Variants in CALY observed in about 807,000 individuals in gnomAD.
The protein encoded by CALY is neuron-specific vesicular protein calcyon.
CALY carries 15 observed loss-of-function variants against 20.2 expected under a neutral mutation model. The observed-to-expected ratio is 0.74, with a 90% CI of 0.50 to 1.14. The LOEUF (loss-of-function observed/expected upper bound fraction) is 1.14, where lower values mean the gene tolerates loss of function less well. CALY is among the 50% of genes most tolerant of loss of function. The probability of loss-of-function intolerance (pLI) is 0.00; values close to 1 mark genes in which losing one functional copy is unlikely to be tolerated. For synonymous variants in CALY, 129 were observed against 131.8 expected, an observed-to-expected ratio of 0.98 and a Z score of 0.15; for missense variants, 270 against 304.4, an observed-to-expected ratio of 0.89 and a Z score of 0.84.
chr10:133,326,825 C>T (rs1379098982), intron 4 of CALY, 53 bp downstream of exon 4: 5 of 1,239,302 alleles, frequency 4.0e-6, no homozygotes, highest in Non-Finnish European at 5.8e-6. Context: ...TGCCTGGAGG[C>T]TACGGGAGGA....
intron 2 of CALY, 65 bp from the exon 3 acceptor site, chr10:133,328,080 G>T: frequency 1.0e-6 from 1 of 954,152 alleles, no homozygotes; most frequent in Non-Finnish European, 1.7e-6. Context: ...GCCCTGAACT[G>T]AGAGGGGAGG....
chr10:133,332,437 T>G (rs1197168829), intron 1 of CALY, among the ~76,000 whole-genome samples: 3 of 152,196 alleles, frequency 2.0e-5, no homozygotes, highest in Admixed American at 1.3e-4. Context: ...TTTTCTGGTC[T>G]CAGGGAGGGA....
intron 4 of CALY, among the ~76,000 whole-genome samples, chr10:133,326,486 C>A (rs1848213236): frequency 1.3e-5 from 2 of 151,758 alleles, no homozygotes; most frequent in Admixed American, 6.6e-5. Flanking sequence ...AAAGCTATAA[C>A]CATTATTGAC....
intron 1 of CALY, among the ~76,000 whole-genome samples, chr10:133,329,543 G>C (rs577175433): frequency 3.3e-5 from 5 of 151,942 alleles, no homozygotes; most frequent in African/African-American, 1.2e-4. Flanking sequence ...GCCCCACCAC[G>C]CCTGGCTAAT....
At chr10:133,336,410 T>C (rs1394333051) in intron 1 of CALY, among the ~76,000 whole-genome samples, 1 of 139,138 alleles carries the variant, frequency 7.2e-6, no homozygotes, top group Non-Finnish European at 1.5e-5. Flanking sequence ...GGTGCTCTGG[T>C]CCGACGCCCC....
At chr10:133,329,392 C>CTTCTTCTTTT (rs549430070) in intron 1 of CALY, among the ~76,000 whole-genome samples, 22 of 137,458 alleles carry the variant, frequency 1.6e-4, no homozygotes, top group African/African-American at 5.8e-4. Context: ...TCTTCTTCTT[C>CTTCTTCTTTT]TTTTTTTTTT....
At chr10:133,329,718 G>A (rs1228942064) in intron 1 of CALY, among the ~76,000 whole-genome samples, 1 of 152,200 alleles carries the variant, frequency 6.6e-6, no homozygotes, top group African/African-American at 2.4e-5. Flanking sequence ...AGTATGGAGA[G>A]CTGGGTGCCA....
chr10:133,333,557 C>T (rs1264288336), intron 1 of CALY, among the ~76,000 whole-genome samples: 1 of 147,636 alleles, frequency 6.8e-6, no homozygotes, highest in Non-Finnish European at 1.5e-5. Flanking sequence ...ACTTGGGGAA[C>T]GATCCAAGTG....
chr10:133,329,663 C>T (rs1848271847), intron 1 of CALY, among the ~76,000 whole-genome samples: 1 of 152,022 alleles, frequency 6.6e-6, no homozygotes, highest in Admixed American at 6.6e-5. Context: ...TGAACCACCG[C>T]GCCTGACTCT....
intron 4 of CALY, chr10:133,326,335 G>A: frequency 6.9e-7 from 1 of 1,453,554 alleles, no homozygotes; most frequent in Non-Finnish European, 9.4e-7. Context: ...GCCACCCAGG[G>A]AGAGGGGCGC....
rs768082611 is a variant in CALY, at chr10:133,326,169, GC to G, written c.361-50del. On this transcript the variant is annotated intron_variant, in intron 4 of 5. Transcript: ENST00000252939. ...TCGGTGGGGCTGAGCCCTCCTGTGC[GC>G]CCCGGGCCCAGGCCCTCCCGCTTCT... The G allele has an allele frequency of 6.4e-6, 10 of 1,574,062 alleles. No homozygotes were observed. The South Asian group carries it at 1.2e-4, about 18-fold the overall frequency.
intron 1 of CALY, among the ~76,000 whole-genome samples, chr10:133,329,569 A>G (rs1334480077): frequency 6.6e-6 from 1 of 151,794 alleles, no homozygotes; most frequent in African/African-American, 2.4e-5. Flanking sequence ...AAATTTGTGT[A>G]GAGACGGGGT....
Position 133,325,930 on chromosome 10 carries a change from G to T in CALY, c.551C>A (p.Ala184Glu). The change falls in exon 5 of 6, where the codon GCG becomes GAG. Residue 184 changes from alanine to glutamate, a missense_variant. Ala to Glu is a moderately radical substitution (Grantham distance 107). Transcript: ENST00000252939. ...GGGGGGTTCGGTGGCCGCCGCCGCCGCCCCAGCCTGGGTGGGCCCCTTGCG... is the reference window on the plus strand; with the variant it reads ...GGGGGGTTCGGTGGCCGCCGCCGCCTCCCCAGCCTGGGTGGGCCCCTTGCG... The part of the protein sequence containing the change: ...EERKGPTQAG[A>E]AAAATEPPGK... The T allele has an allele frequency of 7.5e-7, 1 of 1,328,108 alleles. No individual in the cohort carries two copies. The highest frequency in any genetic ancestry group is 3.1e-5 in the East Asian group (1 of 32,064). 82.3% of individuals were successfully genotyped at this position (1,328,108 alleles called of 1,614,324 possible).
Position 133,324,900 on chromosome 10 carries a change from TCACCCC to T in CALY, c.*689_*694del. The T allele has an allele frequency of 1.2e-5, 3 of 254,118 alleles. No individual in the cohort carries two copies. The highest frequency in any genetic ancestry group is 7.5e-5 in the South Asian group (2 of 26,826). The allele number at this position is 254,118 out of a possible 1,614,324, so 15.7% of individuals were successfully genotyped here. On this transcript the variant is annotated 3_prime_UTR_variant, in exon 6 of 6. Coordinates refer to ENST00000252939, the MANE Select transcript of CALY (RefSeq NM_015722.4). ...GACCCCAGCCCCCAGGAACCAGAGC[TCACCCC>T]TCATCAGGCCCCACTCCCCACTCAG...
intron 1 of CALY, among the ~76,000 whole-genome samples, chr10:133,335,032 G>A (rs1848412507): frequency 6.6e-6 from 1 of 152,168 alleles, no homozygotes; most frequent in South Asian, 2.1e-4. Context: ...TGTGCAGGCG[G>A]AGACGGACGA....
At chr10:133,333,574 G>C (rs1317353751) in intron 1 of CALY, among the ~76,000 whole-genome samples, 1 of 151,174 alleles carries the variant, frequency 6.6e-6, no homozygotes, top group East Asian at 2.0e-4. Context: ...AGTGGGGTAG[G>C]ATCCCAGGTG....
chr10:133,330,178 G>T (rs1388431312), intron 1 of CALY, among the ~76,000 whole-genome samples: 6 of 152,184 alleles, frequency 3.9e-5, no homozygotes, highest in Admixed American at 6.5e-5. Flanking sequence ...GAAAAGAAAG[G>T]TCCTGTGTGC....
At chr10:133,336,409 G>A (rs1564789654) in intron 1 of CALY, among the ~76,000 whole-genome samples, 1 of 151,518 alleles carries the variant, frequency 6.6e-6, no homozygotes, top group African/African-American at 2.4e-5. Flanking sequence ...CGGTGCTCTG[G>A]TCCGACGCCC....
At chr10:133,329,404 T>TTTTTTTTTTTTA (rs1848268156) in intron 1 of CALY, among the ~76,000 whole-genome samples, 4 of 148,922 alleles carry the variant, frequency 2.7e-5, no homozygotes, top group Admixed American at 6.6e-5. Context: ...TTTTTTTTTT[T>TTTTTTTTTTTTA]GAGACAGGAT....
Sources: gnomAD v4.1 joint callset for allele counts (sites outside exome capture counted in the v4.1 genomes callset) on GRCh38, gnomAD v4.1.1 for gene constraint, MANE v1.5 for transcripts, NCBI Gene and HGNC (gene_info 2026-07-23, HGNC 2026-07-21) for gene names.